The following STK10 variants were observed in gnomAD, a reference collection of about 807,000 sequenced individuals.
STK10 encodes serine/threonine-protein kinase 10.
A neutral mutation model predicts 113.8 loss-of-function variants in STK10; 78 were observed. The observed-to-expected ratio is 0.69, with a 90% CI of 0.57 to 0.83. STK10 has a LOEUF of 0.83. Ranked by LOEUF, STK10 falls within the 40% of genes least tolerant of loss-of-function variation. The pLI is 0.00. For missense variants in STK10, 1,109 were observed against 1,280.1 expected (o/e 0.87, Z 2.04); for synonymous variants, 465 against 494.7 (o/e 0.94, Z 0.80).
At chr5:172,168,267 T>C (rs962515637) in intron 1 of STK10, among the ~76,000 whole-genome samples, 1 of 152,326 alleles carries the variant, frequency 6.6e-6, no homozygotes, top group Admixed American at 6.5e-5. Flanking sequence ...TGCATGGTGA[T>C]GAAGGCGGTC....
At chr5:172,046,041 A>C (rs925218663) in intron 18 of STK10, among the ~76,000 whole-genome samples, 1 of 151,718 alleles carries the variant, frequency 6.6e-6, no homozygotes, top group Non-Finnish European at 1.5e-5. Context: ...AAATCTCCTT[A>C]TATACTTAAA....
chr5:172,117,391 G>A, intron 4 of STK10, 90 bp downstream of exon 4: 3 of 1,525,894 alleles, frequency 2.0e-6, no homozygotes, highest in Non-Finnish European at 2.7e-6. Context: ...ACCCCCATGA[G>A]GTCCACACTC....
At chr5:172,144,329 C>T in intron 2 of STK10, among the ~76,000 whole-genome samples, 1 of 152,248 alleles carries the variant, frequency 6.6e-6, no homozygotes, top group Admixed American at 6.5e-5. Context: ...ATCAGCCCCC[C>T]AGGCCTCCCT....
At chr5:172,076,159 T>C (rs1251584949) in intron 12 of STK10, among the ~76,000 whole-genome samples, 1 of 149,268 alleles carries the variant, frequency 6.7e-6, no homozygotes, top group Non-Finnish European at 1.5e-5. Flanking sequence ...TGTGCATTTG[T>C]TGTGGGGGCT....
intron 3 of STK10, among the ~76,000 whole-genome samples, chr5:172,125,627 C>T (rs892087860): frequency 4.6e-5 from 7 of 152,162 alleles, no homozygotes; most frequent in Non-Finnish European, 8.8e-5. Flanking sequence ...TCAGGTGATC[C>T]GCCCACCTCG....
At chr5:172,119,277 G>A (rs564371083) in intron 3 of STK10, among the ~76,000 whole-genome samples, 2 of 152,328 alleles carry the variant, frequency 1.3e-5, no homozygotes, top group South Asian at 4.2e-4. Context: ...TGAAGGGAAA[G>A]TGACTCGAGG....
chr5:172,085,415 G>A (rs749701166), intron 10 of STK10, among the ~76,000 whole-genome samples: 7 of 152,216 alleles, frequency 4.6e-5, no homozygotes, highest in South Asian at 2.1e-4. Flanking sequence ...TAGGCCGGGC[G>A]CGGTGGCTCA....
chr5:172,103,061 C>A (rs189775824), intron 7 of STK10, among the ~76,000 whole-genome samples: 3 of 152,314 alleles, frequency 2.0e-5, no homozygotes, highest in Non-Finnish European at 2.9e-5. Flanking sequence ...CCGCCCAGGG[C>A]GGGACACAGG....
At position 172,061,190 on chromosome 5, in the gene STK10, T is replaced by C; in HGVS notation, c.2161A>G (p.Ile721Val). 1 of 1,612,798 alleles carries C rather than the reference T, an allele frequency of 6.2e-7. No individual in the cohort carries two copies. Among genetic ancestry groups the C allele is most frequent in the Non-Finnish European group, 8.5e-7 (1 of 1,179,790 alleles). Reference sequence around the variant, plus strand: ...AGGCACTCGCGCTCCTTGTCACAGATCTCCCGCCTGTTGTCGGTGGTGAGC... The same window carrying C: ...AGGCACTCGCGCTCCTTGTCACAGACCTCCCGCCTGTTGTCGGTGGTGAGC... The part of the protein sequence containing the change: ...KRLTTDNRRE[I>V]CDKERECLMK... The change falls in exon 14 of 19, where the codon ATC becomes GTC. Residue 721 changes from isoleucine (I) to valine (V), a missense_variant. Ile to Val is a conservative substitution (Grantham distance 29). Coordinates refer to ENST00000176763, the MANE Select transcript of STK10 (RefSeq NM_005990.4).
At chr5:172,056,744 A>T (rs368104325) in intron 15 of STK10, among the ~76,000 whole-genome samples, 3 of 151,218 alleles carry the variant, frequency 2.0e-5, no homozygotes, top group South Asian at 2.1e-4. Context: ...CATGGTGGCA[A>T]GCACCTGTAA....
At chr5:172,071,581 C>T (rs1163420166) in intron 12 of STK10, among the ~76,000 whole-genome samples, 2 of 152,108 alleles carry the variant, frequency 1.3e-5, no homozygotes, top group East Asian at 1.9e-4. Flanking sequence ...ATGTAAGATG[C>T]TAATGAGACA....
At chr5:172,140,416 G>A (rs1195081697) in intron 2 of STK10, among the ~76,000 whole-genome samples, 2 of 152,212 alleles carry the variant, frequency 1.3e-5, no homozygotes, top group East Asian at 1.9e-4. Flanking sequence ...GAACTACTTG[G>A]CCAGGTGTGG....
rs765111513 is a variant in STK10, at chr5:172,057,481, G to A, written c.2213-8C>T. 7.1e-6 allele frequency: 11 copies of A among 1,547,064 alleles called. No homozygotes were observed. Among genetic ancestry groups the A allele is most frequent in the East Asian group, 2.4e-5 (1 of 40,818 alleles). ...ACAGGGCTGCTTCCCGGTCTGCAGA[G>A]GACATGCCACCGAGCTGGTGAGGTG... is the stretch of plus-strand genomic sequence containing the variant. On this transcript the variant is annotated splice_region_variant and splice_polypyrimidine_tract_variant and intron_variant, in intron 14 of 18. Transcript: ENST00000176763.
chr5:172,049,375 T>TTCAGGCCTGCATTA (rs1205376305), intron 18 of STK10, among the ~76,000 whole-genome samples: 1 of 151,820 alleles, frequency 6.6e-6, no homozygotes, highest in Non-Finnish European at 1.5e-5. Flanking sequence ...GCCTGAATAA[T>TTCAGGCCTGCATTA]GCAGACAAAC....
At position 172,184,800 on chromosome 5, in the gene STK10, G is replaced by A. The variant is rs1038422289; in HGVS notation, c.156+3087C>T. On this transcript the variant is annotated intron_variant, in intron 1 of 18. Transcript: ENST00000176763. ...CCGAGTAGCTGGGATTATAGGGCAC[G>A]CGCCACCACACCCGGCTAATTTTTT... Among the ~76,000 whole-genome samples, 15 of 152,038 alleles carry A rather than the reference G, an allele frequency of 9.9e-5. No homozygotes were observed. The South Asian group carries it at 1.9e-3, about 19-fold the overall frequency.
rs1769482369 is a variant in STK10, at chr5:172,120,251, A to T, written c.371-2621T>A. On this transcript the variant is annotated intron_variant, in intron 3 of 18. Coordinates refer to ENST00000176763, the MANE Select transcript of STK10 (RefSeq NM_005990.4). The surrounding 1 kb of genome is among the most constrained non-coding windows in gnomAD (Gnocchi z 4.0). ...ACTGCTCCGAGTCTTCCCTCTGCCT[A>T]CAACAGCACTGCTGTGTCCGGCTTG... Among the ~76,000 whole-genome samples the T allele has an allele frequency of 6.6e-6, 1 of 152,148 alleles. No individual in the cohort carries two copies. Among genetic ancestry groups the T allele is most frequent in the African/African-American group, 2.4e-5 (1 of 41,442 alleles).
At chr5:172,045,324 C>T (rs1767473015) in intron 18 of STK10, 1 of 540,832 alleles carries the variant, frequency 1.8e-6, no homozygotes, top group Non-Finnish European at 3.5e-6. Flanking sequence ...GGCAGGAAAA[C>T]AGCCAAATGA....
rs568139408 is a variant in STK10 at position 172,057,470 on chromosome 5, C to A, written c.2216G>T (p.Arg739Leu). Residue 739 changes from arginine (R) to leucine (L), a missense_variant, in exon 15 of 19, where the codon CGG becomes CTG. By Grantham distance (102) the Arg-to-Leu change is moderately radical (BLOSUM62 -2). Coordinates refer to ENST00000176763, the MANE Select transcript of STK10 (RefSeq NM_005990.4). ...TTCCATCTCCCACAGGGCTGCTTCCCGGTCTGCAGAGGACATGCCACCGAG... is the reference window on the plus strand; with the variant it reads ...TTCCATCTCCCACAGGGCTGCTTCCAGGTCTGCAGAGGACATGCCACCGAG... ...LMKKQELLRD[R>L]EAALWEMEEH... The A allele has an allele frequency of 1.3e-5, 20 of 1,549,982 alleles. No individual in the cohort carries two copies. The East Asian group carries it at 4.4e-4, about 34-fold the overall frequency.
intron 4 of STK10, among the ~76,000 whole-genome samples, chr5:172,113,507 A>C (rs1769295817): frequency 6.6e-6 from 1 of 152,208 alleles, no homozygotes. Flanking sequence ...AAAACACGAA[A>C]ATAATCATGT....
Sources: allele counts gnomAD v4.1 joint callset (sites outside exome capture counted in the v4.1 genomes callset), GRCh38; gene constraint gnomAD v4.1.1; non-coding constraint Gnocchi (gnomAD v3.1); transcripts MANE v1.5; gene names NCBI Gene and HGNC (gene_info 2026-07-23, HGNC 2026-07-21).